The following ANKRD44 variants were observed in gnomAD, a reference collection of about 807,000 sequenced individuals.
ANKRD44 encodes the protein serine/threonine-protein phosphatase 6 regulatory ankyrin repeat subunit B.
Under a neutral mutation model 116.0 loss-of-function variants are expected in ANKRD44, and 35 were observed. That is an observed-to-expected ratio of 0.30 (90% CI 0.23 to 0.40). The LOEUF is 0.40. Ranked by LOEUF, ANKRD44 falls within the 10% of genes least tolerant of loss-of-function variation. The pLI is 1.00. For synonymous variants in ANKRD44, 435 were observed against 461.8 expected, an observed-to-expected ratio of 0.94 and a Z score of 0.74; for missense variants, 1,014 against 1,242.6, an observed-to-expected ratio of 0.82 and a Z score of 2.77.
Position 197,088,718 on chromosome 2 carries a change from C to A in ANKRD44, c.1240G>T (p.Ala414Ser). Reference protein sequence around the residue: ...FGRTCLHAAAAGGNVECIKLL... With the variant: ...FGRTCLHAAASGGNVECIKLL... ...GAATTGGTAACTACTCACCCTCCTG[C>A]AGCAGCAGCATGAAGGCACGTTCTT... Residue 414 changes from alanine (A) to serine (S), a missense_variant, in exon 12 of 28, where the codon GCA (alanine) becomes TCA (serine). Physicochemically the swap from Ala to Ser is moderately conservative, Grantham distance 99 (BLOSUM62 1). Coordinates refer to ENST00000282272, the MANE Select transcript of ANKRD44 (RefSeq NM_001195144.2). 1 of 1,609,082 alleles carries A rather than the reference C, an allele frequency of 6.2e-7. No individual in the cohort carries two copies. The highest frequency in any genetic ancestry group is 1.1e-5 in the South Asian group (1 of 90,498).
intron 17 of ANKRD44, among the ~76,000 whole-genome samples, chr2:197,017,812 C>T (rs550812855): frequency 1.6e-4 from 24 of 152,336 alleles, no homozygotes; most frequent in Non-Finnish European, 2.8e-4. Flanking sequence ...TGTCTTCCCT[C>T]CTGTTAAACC....
intron 21 of ANKRD44, among the ~76,000 whole-genome samples, chr2:196,977,852 G>A (rs1304975190): frequency 1.3e-5 from 2 of 151,852 alleles, no homozygotes; most frequent in Non-Finnish European, 2.9e-5. Context: ...CCACTCCTAG[G>A]TATATACACA....
rs185481386 is a variant in ANKRD44, at chr2:197,127,654, T to C, written c.262-1617A>G. Among the ~76,000 whole-genome samples, 807 of 152,306 alleles carry C rather than the reference T, an allele frequency of 5.3e-3. 5 individuals are homozygous for C. The highest frequency in any genetic ancestry group is 7.4e-3 in the Non-Finnish European group (504 of 68,032). Reference sequence around the variant, plus strand: ...AATCAAGAAAAGATTATTTTTCTTCTGTTAAATTTTTTTTAATCAACTTTT... The same window carrying C: ...AATCAAGAAAAGATTATTTTTCTTCCGTTAAATTTTTTTTAATCAACTTTT... On this transcript the variant is annotated intron_variant, in intron 4 of 27. Coordinates refer to ENST00000282272, the MANE Select transcript of ANKRD44 (RefSeq NM_001195144.2).
chr2:197,283,469 A>G (rs2083322055), intron 1 of ANKRD44, among the ~76,000 whole-genome samples: 1 of 152,244 alleles, frequency 6.6e-6, no homozygotes, highest in African/African-American at 2.4e-5. Flanking sequence ...TTCCATATAA[A>G]GCAATTCCAT....
At position 197,011,130 on chromosome 2, in the gene ANKRD44, C is replaced by A. The variant is rs188698895; in HGVS notation, c.1925-2099G>T. On this transcript the variant is annotated intron_variant, in intron 18 of 27. Coordinates refer to ENST00000282272, the MANE Select transcript of ANKRD44 (RefSeq NM_001195144.2). Reference sequence around the variant, plus strand: ...TCTTACAATTACACTAAATCTGCTACCATTGGTGAAGTAGGCAAGAAGTTT... The same window carrying A: ...TCTTACAATTACACTAAATCTGCTAACATTGGTGAAGTAGGCAAGAAGTTT... Among the ~76,000 whole-genome samples, 61 of 152,184 alleles carry A rather than the reference C, an allele frequency of 4.0e-4. No homozygotes were observed. In the East Asian group the frequency reaches 0.011, roughly 27 times the overall value.
chr2:197,094,605 T>A (rs1036272310), intron 10 of ANKRD44, among the ~76,000 whole-genome samples: 11 of 152,236 alleles, frequency 7.2e-5, no homozygotes, highest in Non-Finnish European at 1.5e-5. Context: ...CTAAATTCTT[T>A]ATAATATTTA....
Position 197,299,356 on chromosome 2 carries a change from G to A in ANKRD44, c.27+11222C>T, listed in dbSNP as rs1054207222. The stretch of plus-strand genomic sequence containing the variant: ...TGGGTATCTACCCAGAGGAAAAGAA[G>A]TCATAAGAAAAAGGTACTTGCACAT... On this transcript the variant is annotated intron_variant, in intron 1 of 27. Transcript: ENST00000282272. 2.6e-5 allele frequency: 4 copies of A among 152,158 alleles called. 1 individual carries two copies. Among genetic ancestry groups the A allele is most frequent in the African/African-American group, 9.7e-5 (4 of 41,434 alleles). 9.4% of individuals were successfully genotyped at this position (152,158 alleles called of 1,614,324 possible).
chr2:197,200,751 A>T (rs181834263), intron 1 of ANKRD44, among the ~76,000 whole-genome samples: 1 of 152,208 alleles, frequency 6.6e-6, no homozygotes, highest in African/African-American at 2.4e-5. Flanking sequence ...CATGAAAGAA[A>T]GCAATAATGA....
intron 20 of ANKRD44, 47 bp downstream of exon 20, chr2:197,007,759 G>A (rs776851881): frequency 2.2e-5 from 27 of 1,209,340 alleles, no homozygotes; most frequent in Non-Finnish European, 3.1e-5. Flanking sequence ...AAGAAAACAA[G>A]CTCATTAAAA....
At chr2:197,242,252 A>G (rs1013415772) in intron 1 of ANKRD44, among the ~76,000 whole-genome samples, 1 of 150,150 alleles carries the variant, frequency 6.7e-6, no homozygotes, top group East Asian at 1.9e-4. Flanking sequence ...CAGAAAAGTT[A>G]TAACAGATCT....
chr2:197,018,981 C>T (rs1157333012), intron 17 of ANKRD44, among the ~76,000 whole-genome samples: 1 of 152,154 alleles, frequency 6.6e-6, no homozygotes, highest in African/African-American at 2.4e-5. Flanking sequence ...CAGAATCTGT[C>T]ACTACTAAAT....
At chr2:197,022,486 C>T (rs1056872411) in intron 17 of ANKRD44, among the ~76,000 whole-genome samples, 1 of 152,126 alleles carries the variant, frequency 6.6e-6, no homozygotes, top group Non-Finnish European at 1.5e-5. Context: ...TCTGTGGTGG[C>T]CCCCCAAACT....
At position 197,261,226 on chromosome 2, in the gene ANKRD44, CT is replaced by C. The variant is rs547826304; in HGVS notation, c.27+49351del. 2.1e-3 allele frequency among the ~76,000 whole-genome samples: 317 copies of C among 151,620 alleles called. 2 individuals are homozygous for C. The highest frequency in any genetic ancestry group is 7.2e-3 in the African/African-American group (299 of 41,376). On this transcript the variant is annotated intron_variant, in intron 1 of 27. Transcript: ENST00000282272. ...ATGGTTTTAGGTCTAACATTTAAGT[CT>C]TTAATCCATCTTGAATTAATTTTTG...
At chr2:197,112,434 GC>G (rs1227245005) in intron 8 of ANKRD44, among the ~76,000 whole-genome samples, 2 of 152,184 alleles carry the variant, frequency 1.3e-5, no homozygotes, top group Non-Finnish European at 2.9e-5. Flanking sequence ...TCTGGGCCAG[GC>G]GCAGTGGCTC....
chr2:197,268,559 A>G (rs867338189), intron 1 of ANKRD44, among the ~76,000 whole-genome samples: 4 of 152,206 alleles, frequency 2.6e-5, no homozygotes, highest in African/African-American at 4.8e-5. Flanking sequence ...TCCAGAGAGG[A>G]AAGGAATTGT....
intron 1 of ANKRD44, among the ~76,000 whole-genome samples, chr2:197,225,019 T>C (rs560725335): frequency 4.6e-5 from 7 of 152,306 alleles, no homozygotes; most frequent in Admixed American, 2.6e-4. Flanking sequence ...AAGAGGATTA[T>C]ATTGCCAAAG....
chr2:196,984,928 G>C (rs1371243614), downstream of ANKRD44, among the ~76,000 whole-genome samples: 1 of 152,210 alleles, frequency 6.6e-6, no homozygotes, highest in Non-Finnish European at 1.5e-5. Context: ...CTTGAGTATA[G>C]ATTGGACTTA....
rs201309911 is a variant in ANKRD44 at position 197,249,255 on chromosome 2, AGAGT to A, written c.27+61319_27+61322del. On this transcript the variant is annotated intron_variant, in intron 1 of 27. Coordinates refer to ENST00000282272, the MANE Select transcript of ANKRD44 (RefSeq NM_001195144.2). ...GCCACTGCACTCCAGCCTGGGCAACAGAGTGAGACCTTGTCTCAAAAAATGTACA... is the reference window on the plus strand; with the variant it reads ...GCCACTGCACTCCAGCCTGGGCAACAGAGACCTTGTCTCAAAAAATGTACA... Among the ~76,000 whole-genome samples the A allele has an allele frequency of 4.2e-3, 636 of 152,372 alleles. 19 individuals are homozygous for A. The highest frequency in any genetic ancestry group is 0.039 in the Admixed American group (599 of 15,300).
chr2:197,103,282 T>C (rs915725772), intron 9 of ANKRD44, among the ~76,000 whole-genome samples: 2 of 151,888 alleles, frequency 1.3e-5, no homozygotes, highest in Non-Finnish European at 2.9e-5. Flanking sequence ...TTATCATGTT[T>C]GGGTTTGTTG....
Sources: gnomAD v4.1 joint callset for allele counts (sites outside exome capture counted in the v4.1 genomes callset) on GRCh38, gnomAD v4.1.1 for gene constraint, MANE v1.5 for transcripts, NCBI Gene and HGNC (gene_info 2026-07-23, HGNC 2026-07-21) for gene names.